The following RASA3 variants were observed in gnomAD, a reference collection of about 807,000 sequenced individuals.
RASA3 encodes the protein ras GTPase-activating protein 3.
In RASA3, 73 loss-of-function variants were observed where a neutral mutation model predicts 110.0. The ratio of observed to expected loss-of-function variants is 0.66; its 90% CI spans 0.55 to 0.81. The LOEUF (loss-of-function observed/expected upper bound fraction) is 0.81, where lower values mean the gene tolerates loss of function less well. Among genes scored for constraint, RASA3 ranks in the 30% least tolerant of loss-of-function variants. RASA3 has a pLI of 0.00. For synonymous variants in RASA3, 500 were observed against 451.4 expected, an observed-to-expected ratio of 1.11 and a Z score of -1.37; for missense variants, 976 against 1,113.2, an observed-to-expected ratio of 0.88 and a Z score of 1.75.
intron 1 of RASA3, among the ~76,000 whole-genome samples, chr13:114,107,334 G>T (rs574592481): frequency 6.6e-6 from 1 of 151,800 alleles, no homozygotes; most frequent in Non-Finnish European, 1.5e-5. Flanking sequence ...TCCCTCCTTC[G>T]TGTCCTGACC....
At chr13:113,980,557 C>T (rs769711376) in intron 23 of RASA3, among the ~76,000 whole-genome samples, 3 of 152,246 alleles carry the variant, frequency 2.0e-5, no homozygotes, top group South Asian at 2.1e-4. Flanking sequence ...TCATGCTTCG[C>T]GCATTTTCAA....
chr13:114,077,643 A>G (rs1288700990), intron 1 of RASA3, among the ~76,000 whole-genome samples: 2 of 134,550 alleles, frequency 1.5e-5, no homozygotes, highest in Non-Finnish European at 3.1e-5. Flanking sequence ...GCACCAACGC[A>G]CCGGATTCAT....
rs374663783 is a variant in RASA3, at chr13:114,016,158, C to A, written c.1281+39G>T. 5.3e-6 allele frequency: 8 copies of A among 1,518,068 alleles called. No individual in the cohort carries two copies. In the Middle Eastern group the frequency reaches 8.5e-4, roughly 161 times the overall value. 94.0% of individuals were successfully genotyped at this position (1,518,068 alleles called of 1,614,324 possible). A position where few individuals can be genotyped will look rare whatever the true frequency, so the allele number is the denominator to read the frequency against. On this transcript the variant is annotated intron_variant, in intron 13 of 23. Coordinates refer to ENST00000334062, the MANE Select transcript of RASA3 (RefSeq NM_007368.4). The stretch of plus-strand genomic sequence containing the variant: ...CAGCCATCGGCTGAAAAACCCCAAG[C>A]AGGTGACTGGCTTTGGTTGGTTCAT...
At chr13:113,990,304 A>T (rs1302791813) in intron 22 of RASA3, among the ~76,000 whole-genome samples, 1 of 152,182 alleles carries the variant, frequency 6.6e-6, no homozygotes, top group Admixed American at 6.5e-5. Context: ...TCCAAGGTAA[A>T]CAGGGTCTGC....
intron 8 of RASA3, 98 bp from the exon 9 acceptor site, chr13:114,021,606 G>C: frequency 1.1e-6 from 1 of 901,010 alleles, no homozygotes; most frequent in South Asian, 1.5e-5. Context: ...GCAGAATGGA[G>C]CCTGCAGCGC....
At chr13:114,101,083 A>C (rs912317356) in intron 1 of RASA3, among the ~76,000 whole-genome samples, 4 of 152,152 alleles carry the variant, frequency 2.6e-5, no homozygotes, top group Non-Finnish European at 5.9e-5. Context: ...GGGGCTCCCC[A>C]CACCCACATG....
At position 113,995,833 on chromosome 13, in the gene RASA3, A is replaced by AT. The variant is rs1329924603; in HGVS notation, c.2141+697_2141+698insA. ...GTCCGGCTGACGGGGGGCCCGGCTG[A>AT]CGGGGGGCCCGGCTGACGGGGGGCC... is the stretch of plus-strand genomic sequence containing the variant. On this transcript the variant is annotated intron_variant, in intron 21 of 23. Transcript: ENST00000334062. 7.4e-4 allele frequency among the ~76,000 whole-genome samples: 25 copies of AT among 33,968 alleles called. 2 individuals carry two copies. The highest frequency in any genetic ancestry group is 1.0e-3 in the Non-Finnish European group (21 of 20,604). The allele number at this position is 33,968 out of a possible 152,430, so 22.3% of individuals were successfully genotyped here. A position where few individuals can be genotyped will look rare whatever the true frequency, so the allele number is the denominator to read the frequency against.
Position 114,110,990 on chromosome 13 carries a change from T to TA in RASA3, c.55+21444dup, listed in dbSNP as rs534002547. The stretch of plus-strand genomic sequence containing the variant: ...TGTCATAATCCAGGGCTGCTCAAAG[T>TA]AAAAAAAAAAAAAACCTAAAACTGC... On this transcript the variant is annotated intron_variant, in intron 1 of 23. Coordinates refer to ENST00000334062, the MANE Select transcript of RASA3 (RefSeq NM_007368.4). 1.4e-3 allele frequency among the ~76,000 whole-genome samples: 183 copies of TA among 130,694 alleles called. 2 individuals carry two copies. Among genetic ancestry groups the TA allele is most frequent in the South Asian group, 7.9e-3 (33 of 4,172 alleles). The allele number at this position is 130,694 out of a possible 152,430, so 85.7% of individuals were successfully genotyped here.
chr13:114,026,549 GGTCCTACTCA>G (rs1271174824), intron 7 of RASA3, among the ~76,000 whole-genome samples: 1 of 152,138 alleles, frequency 6.6e-6, no homozygotes, highest in African/African-American at 2.4e-5. Context: ...AGTGCCAGTG[GGTCCTACTCA>G]GTCAGGACCC....
Position 114,100,135 on chromosome 13 carries a change from ACT to A in RASA3, c.56-26300_56-26299del, listed in dbSNP as rs1477580267. On this transcript the variant is annotated intron_variant, in intron 1 of 23. Coordinates refer to ENST00000334062, the MANE Select transcript of RASA3 (RefSeq NM_007368.4). ...ACCTGAACACAGCAAGGCTTTCCAA[ACT>A]CTGCGCAATAGGAAGACGCCGAATG... Among the ~76,000 whole-genome samples, 11 of 151,256 alleles carry A rather than the reference ACT, an allele frequency of 7.3e-5. No homozygotes were observed. In the East Asian group the frequency reaches 1.4e-3, roughly 19 times the overall value.
intron 21 of RASA3, among the ~76,000 whole-genome samples, chr13:113,994,754 T>C (rs922609004): frequency 1.3e-5 from 2 of 152,218 alleles, no homozygotes; most frequent in African/African-American, 4.8e-5. Flanking sequence ...GAGGACTGCT[T>C]GAGCCCAGAA....
chr13:114,058,405 C>A (rs1161164509), intron 2 of RASA3, among the ~76,000 whole-genome samples: 1 of 152,270 alleles, frequency 6.6e-6, no homozygotes, highest in Non-Finnish European at 1.5e-5. Flanking sequence ...ATTCCCACCA[C>A]AGAATTCAGC....
intron 1 of RASA3, among the ~76,000 whole-genome samples, chr13:114,121,845 C>T (rs2080382048): frequency 6.6e-6 from 1 of 152,238 alleles, no homozygotes; most frequent in Non-Finnish European, 1.5e-5. Flanking sequence ...CCGCCACACG[C>T]TCAGGAAGGA....
At chr13:114,118,140 G>A (rs1211147252) in intron 1 of RASA3, among the ~76,000 whole-genome samples, 6 of 152,050 alleles carry the variant, frequency 3.9e-5, no homozygotes, top group Non-Finnish European at 8.8e-5. Context: ...ACGTGGCCAC[G>A]TTCATGGGTT....
chr13:114,102,735 G>A (rs1350053973), intron 1 of RASA3, among the ~76,000 whole-genome samples: 1 of 152,184 alleles, frequency 6.6e-6, no homozygotes, highest in Non-Finnish European at 1.5e-5. Context: ...TACCCCCAGG[G>A]CGACGCTCCC....
At chr13:114,100,265 G>C (rs138259057) in intron 1 of RASA3, among the ~76,000 whole-genome samples, 1 of 151,912 alleles carries the variant, frequency 6.6e-6, no homozygotes, top group African/African-American at 2.4e-5. Flanking sequence ...CAGCACCAGC[G>C]GCTGCCCCTC....
intron 22 of RASA3, among the ~76,000 whole-genome samples, chr13:113,990,663 G>GA (rs1399197308): frequency 6.6e-6 from 1 of 152,234 alleles, no homozygotes; most frequent in Non-Finnish European, 1.5e-5. Flanking sequence ...TGCTGGGGGA[G>GA]AAGACGCTGT....
chr13:114,031,071 G>A (rs1235396273), intron 4 of RASA3, among the ~76,000 whole-genome samples: 1 of 151,154 alleles, frequency 6.6e-6, no homozygotes, highest in Non-Finnish European at 1.5e-5. Context: ...GTGTGCATGC[G>A]ACTGTGTGTC....
chr13:114,077,952 C>T (rs2079720680), intron 1 of RASA3: 1 of 984,306 alleles, frequency 1.0e-6, no homozygotes, highest in Non-Finnish European at 1.2e-6. Context: ...ACCTCCAAGG[C>T]ACTGGTTTTG....
Sources: gnomAD v4.1 joint callset for allele counts (sites outside exome capture counted in the v4.1 genomes callset) on GRCh38, gnomAD v4.1.1 for gene constraint, MANE v1.5 for transcripts, NCBI Gene and HGNC (gene_info 2026-07-23, HGNC 2026-07-21) for gene names.